ADCY10: variants seen among roughly 807,000 people sequenced by gnomAD.
ADCY10 encodes the protein adenylate cyclase 10.
In ADCY10, 156 loss-of-function variants were observed where a neutral mutation model predicts 183.3. The ratio of observed to expected loss-of-function variants is 0.85; its 90% CI spans 0.75 to 0.97. The LOEUF is 0.97. Ranked by LOEUF, ADCY10 falls within the 50% of genes least tolerant of loss-of-function variation. ADCY10 has a pLI of 0.00. For synonymous variants in ADCY10, 645 were observed against 670.0 expected, an observed-to-expected ratio of 0.96 and a Z score of 0.58; for missense variants, 1,745 against 1,934.3, an observed-to-expected ratio of 0.90 and a Z score of 1.84.
At chr1:167,817,703 T>A (rs1662615120) in intron 31 of ADCY10, among the ~76,000 whole-genome samples, 1 of 152,218 alleles carries the variant, frequency 6.6e-6, no homozygotes, top group Non-Finnish European at 1.5e-5. Flanking sequence ...CAATAATAAT[T>A]AGGCCATACA....
intron 2 of ADCY10, 104 bp downstream of exon 2, chr1:167,904,888 AG>A (rs1158659161): frequency 6.8e-7 from 1 of 1,481,386 alleles, no homozygotes; most frequent in Non-Finnish European, 9.4e-7. Flanking sequence ...TGACAGCCCA[AG>A]GGCTCCAGAA....
chr1:167,841,055 C>T (rs1664597571), intron 21 of ADCY10, among the ~76,000 whole-genome samples: 1 of 151,838 alleles, frequency 6.6e-6, no homozygotes, highest in South Asian at 2.1e-4. Flanking sequence ...ATCTTCCCAC[C>T]TCAGCCTCCT....
At chr1:167,814,010 A>T (rs1399021216) in intron 31 of ADCY10, among the ~76,000 whole-genome samples, 1 of 152,136 alleles carries the variant, frequency 6.6e-6, no homozygotes, top group Non-Finnish European at 1.5e-5. Context: ...AAGAACTTAA[A>T]TGTTCCACTA....
chr1:167,850,621 G>A (rs1404456473), intron 18 of ADCY10, among the ~76,000 whole-genome samples: 1 of 151,364 alleles, frequency 6.6e-6, no homozygotes, highest in Non-Finnish European at 1.5e-5. Flanking sequence ...GGAGTGTGGG[G>A]TCAGGAAAGC....
chr1:167,906,300 G>A, intron 1 of ADCY10, among the ~76,000 whole-genome samples: 1 of 150,550 alleles, frequency 6.6e-6, no homozygotes. Flanking sequence ...ACCTTTAAAA[G>A]GAAAAGTCCT....
intron 1 of ADCY10, among the ~76,000 whole-genome samples, chr1:167,911,470 T>G (rs1218036690): frequency 6.6e-6 from 1 of 152,250 alleles, no homozygotes; most frequent in African/African-American, 2.4e-5. Flanking sequence ...TTAAAAGTAT[T>G]TTTACTTTTC....
chr1:167,865,059 A>G (rs1456646379), intron 14 of ADCY10, among the ~76,000 whole-genome samples: 1 of 152,236 alleles, frequency 6.6e-6, no homozygotes, highest in Middle Eastern at 3.2e-3. Context: ...AAAGTCATAG[A>G]AAACGATGTT....
At chr1:167,909,831 G>A (rs1003804578) in intron 1 of ADCY10, among the ~76,000 whole-genome samples, 1 of 152,148 alleles carries the variant, frequency 6.6e-6, no homozygotes, top group Non-Finnish European at 1.5e-5. Flanking sequence ...TGGTGGTGAG[G>A]AGACAGGCCA....
At chr1:167,898,461 G>A (rs527695945) in intron 6 of ADCY10, among the ~76,000 whole-genome samples, 24 of 152,212 alleles carry the variant, frequency 1.6e-4, no homozygotes, top group Non-Finnish European at 3.1e-4. Flanking sequence ...TTAGCTGGGC[G>A]TGGTAGCGGG....
At position 167,880,603 on chromosome 1, in the gene ADCY10, AG is replaced by A; in HGVS notation, c.1026del (p.Ser343LeufsTer58). On this transcript the variant is annotated frameshift_variant, in exon 10 of 33. Coordinates refer to ENST00000367851, the MANE Select transcript of ADCY10 (RefSeq NM_018417.6). LOFTEE classifies it high-confidence loss of function. Reference sequence around the variant, plus strand: ...GGGAAGCCAAAGACACAGAGGAAAGAGCAGCCCTGTGAGGGAGAGAGACAGC... The same window carrying A: ...GGGAAGCCAAAGACACAGAGGAAAGACAGCCCTGTGAGGGAGAGAGACAGC... Reference protein sequence around the residue: ...INKVFMFDKGCSFLCVFGFPG... With the variant: ...INKVFMFDKGXSFLCVFGFPG... 1 of 1,612,156 alleles carries A rather than the reference AG, an allele frequency of 6.2e-7. No homozygotes were observed. The highest frequency in any genetic ancestry group is 1.1e-5 in the South Asian group (1 of 91,054).
In ADCY10 at chr1:167,902,015, C is replaced by G. The variant is rs764898290; in HGVS notation, c.292+1G>C. ...CCTTCTATCTTAGTAAGCCCCCATA[C>G]CTGCAAATTTCAGGATGTCTCCTCC... On this transcript the variant is annotated splice_donor_variant, in intron 4 of 32. Transcript: ENST00000367851. LOFTEE classifies it high-confidence loss of function. 1.9e-6 allele frequency: 3 copies of G among 1,613,548 alleles called. No individual in the cohort carries two copies. The highest frequency in any genetic ancestry group is 2.5e-6 in the Non-Finnish European group (3 of 1,179,930).
At position 167,856,195 on chromosome 1, in the gene ADCY10, T is replaced by C. The variant is rs151072898; in HGVS notation, c.2141A>G (p.Asn714Ser). ...CAGTTCTTTGGAGATGCAGCTCACA[T>C]TGAGGTCAAGACAGATCTTGTTGGA... ...DISNKICLDL[N>S]VSCISKELDS... The change falls in exon 17 of 33, where the codon AAT (asparagine) becomes AGT (serine). Residue 714 changes from asparagine (N) to serine (S), a missense_variant. Transcript: ENST00000367851. 106 of 1,613,762 alleles carry C rather than the reference T, an allele frequency of 6.6e-5. No homozygotes were observed. In the East Asian group the frequency reaches 1.1e-3, roughly 17 times the overall value.
chr1:167,832,934 C>T lies in ADCY10; in HGVS notation c.3593+53G>A, dbSNP rs971139690. On this transcript the variant is annotated intron_variant, in intron 25 of 32. Coordinates refer to ENST00000367851, the MANE Select transcript of ADCY10 (RefSeq NM_018417.6). ...GGGGCTGACTTGGATTATGTGTAGG[C>T]CTCTCTGGGGAGTGAGACTAAACAG... 3 of 1,581,572 alleles carry T rather than the reference C, an allele frequency of 1.9e-6. No homozygotes were observed. In the Admixed American group the frequency reaches 5.0e-5, roughly 26 times the overall value.
chr1:167,835,749 G>T (rs1442096912), intron 23 of ADCY10, among the ~76,000 whole-genome samples: 1 of 152,156 alleles, frequency 6.6e-6, no homozygotes, highest in Non-Finnish European at 1.5e-5. Flanking sequence ...AATTAGCTGG[G>T]CATGGTGGCA....
chr1:167,872,224 G>A (rs1488016375), intron 13 of ADCY10, among the ~76,000 whole-genome samples: 1 of 152,052 alleles, frequency 6.6e-6, no homozygotes, highest in Non-Finnish European at 1.5e-5. Flanking sequence ...TGTAATCCCA[G>A]CTACTCAGGA....
intron 30 of ADCY10, among the ~76,000 whole-genome samples, chr1:167,819,251 T>TTG (rs1662724795): frequency 7.2e-6 from 1 of 139,272 alleles, no homozygotes; most frequent in Admixed American, 6.8e-5. Context: ...AATCCGATTT[T>TTG]TTTTTTTTTT....
At position 167,896,578 on chromosome 1, in the gene ADCY10, C is replaced by G; in HGVS notation, c.739+17G>C. The G allele has an allele frequency of 6.3e-7, 1 of 1,590,758 alleles. No individual in the cohort carries two copies. Among genetic ancestry groups the G allele is most frequent in the Non-Finnish European group, 8.6e-7 (1 of 1,158,944 alleles). On this transcript the variant is annotated intron_variant, in intron 7 of 32. Coordinates refer to ENST00000367851, the MANE Select transcript of ADCY10 (RefSeq NM_018417.6). ...CACTGGTAGAGGCAAAGGCATTTTT[C>G]CATGGTGGGTACTTACTTTTGTGCT...
chr1:167,903,777 GGAA>G, intron 3 of ADCY10, 107 bp downstream of exon 3: 1 of 776,480 alleles, frequency 1.3e-6, no homozygotes, highest in Non-Finnish European at 2.3e-6. Context: ...CATTTCATGG[GGAA>G]GAGGAGGAGT....
Position 167,883,588 on chromosome 1 carries a change from CGAAGCTCA to C in ADCY10, c.861_868del (p.Glu288ProfsTer12), listed in dbSNP as rs774200832. ...GTTCACAAACACAATCGTCACTGGG[CGAAGCTCA>C]GATAAATAGCCCTGAAGCTGTTTGT... On this transcript the variant is annotated frameshift_variant, in exon 9 of 33. Transcript: ENST00000367851. LOFTEE classifies it high-confidence loss of function. 6.2e-7 allele frequency: 1 copy of C among 1,614,182 alleles called. No individual in the cohort carries two copies. Among genetic ancestry groups the C allele is most frequent in the East Asian group, 2.2e-5 (1 of 44,890 alleles).
Sources: gnomAD v4.1 joint callset for allele counts (sites outside exome capture counted in the v4.1 genomes callset) on GRCh38, gnomAD v4.1.1 for gene constraint, MANE v1.5 for transcripts, NCBI Gene and HGNC (gene_info 2026-07-23, HGNC 2026-07-21) for gene names.